CACNA1D: variants seen among roughly 807,000 people sequenced by gnomAD.
CACNA1D encodes calcium voltage-gated channel subunit alpha1 D, also known as voltage-dependent L-type calcium channel subunit alpha-1D.
A neutral mutation model predicts 257.1 loss-of-function variants in CACNA1D; 55 were observed. The observed-to-expected ratio is 0.21, with a 90% confidence interval of 0.17 to 0.27. The LOEUF (loss-of-function observed/expected upper bound fraction) is 0.27, where lower values mean the gene tolerates loss of function less well. CACNA1D is among the 10% of genes least tolerant of loss of function. The pLI is 1.00. For missense variants in CACNA1D, 1,876 were observed against 2,784.0 expected, an observed-to-expected ratio of 0.67 and a Z score of 7.34; for synonymous variants, 980 against 1,014.9, an observed-to-expected ratio of 0.97 and a Z score of 0.65.
intron 3 of CACNA1D, among the ~76,000 whole-genome samples, chr3:53,520,847 C>CTCCT (rs2091526792): frequency 1.7e-5 from 2 of 119,128 alleles, no homozygotes; most frequent in Non-Finnish European, 3.6e-5. Flanking sequence ...GATTTGCAAA[C>CTCCT]TCCTTTCTTT....
intron 21 of CACNA1D, among the ~76,000 whole-genome samples, chr3:53,741,364 T>C (rs148240070): frequency 6.6e-6 from 1 of 152,336 alleles, no homozygotes; most frequent in African/African-American, 2.4e-5. Context: ...AAATGTATTT[T>C]GCATCGGACT....
chr3:53,693,854 G>A (rs1431942155), intron 8 of CACNA1D, among the ~76,000 whole-genome samples: 1 of 152,008 alleles, frequency 6.6e-6, no homozygotes, highest in Non-Finnish European at 1.5e-5. Flanking sequence ...GCATGTGTAT[G>A]TAAATATCAA....
At chr3:53,690,416 A>T (rs2094508482) in intron 8 of CACNA1D, among the ~76,000 whole-genome samples, 2 of 152,198 alleles carry the variant, frequency 1.3e-5, no homozygotes, top group Non-Finnish European at 2.9e-5. Flanking sequence ...CTGCTTTTGG[A>T]CAAGTCTCAT....
chr3:53,619,281 C>A (rs1463069867), intron 3 of CACNA1D, among the ~76,000 whole-genome samples: 1 of 152,140 alleles, frequency 6.6e-6, no homozygotes, highest in Non-Finnish European at 1.5e-5. Flanking sequence ...GTCTCCTGGC[C>A]CTCAGAAAAT....
At chr3:53,767,565 C>A (rs200229894) in intron 30 of CACNA1D, among the ~76,000 whole-genome samples, 38 of 130,442 alleles carry the variant, frequency 2.9e-4, no homozygotes, top group African/African-American at 3.8e-4. Flanking sequence ...GACTCTATCT[C>A]AAAAAAAAAA....
At chr3:53,806,473 G>C (rs548493846) in intron 45 of CACNA1D, among the ~76,000 whole-genome samples, 1 of 152,338 alleles carries the variant, frequency 6.6e-6, no homozygotes, top group East Asian at 1.9e-4. Flanking sequence ...AGGAACTCCA[G>C]CTGGGGGAAG....
intron 3 of CACNA1D, among the ~76,000 whole-genome samples, chr3:53,555,467 T>G (rs866570252): frequency 0.022 from 3,192 of 144,778 alleles, 29 homozygotes; most frequent in Middle Eastern, 0.049. Context: ...TGTGTTTTTT[T>G]TTTTTTTTTT....
chr3:53,535,472 C>G (rs570357128), intron 3 of CACNA1D, among the ~76,000 whole-genome samples: 1 of 152,272 alleles, frequency 6.6e-6, no homozygotes, highest in Admixed American at 6.5e-5. Flanking sequence ...ATTCTAGCCT[C>G]CTGACCTGGG....
At chr3:53,718,190 C>T (rs1385733126) in intron 9 of CACNA1D, 111 bp from the exon 10 acceptor site, 1 of 900,436 alleles carries the variant, frequency 1.1e-6, no homozygotes, top group Non-Finnish European at 1.9e-6. Context: ...CCCTTTTCAC[C>T]CTCCTCCTGG....
At chr3:53,626,869 T>A (rs1424623940) in intron 3 of CACNA1D, among the ~76,000 whole-genome samples, 1 of 152,176 alleles carries the variant, frequency 6.6e-6, no homozygotes, top group Admixed American at 6.5e-5. Context: ...CATTTTCAGT[T>A]AACGAAACGT....
chr3:53,753,808 G>T, intron 29 of CACNA1D, 126 bp downstream of exon 29: 1 of 713,072 alleles, frequency 1.4e-6, no homozygotes, highest in South Asian at 1.5e-5. Context: ...GTTACCACCT[G>T]AGAACATTAA....
intron 3 of CACNA1D, among the ~76,000 whole-genome samples, chr3:53,552,402 A>G (rs895663600): frequency 6.9e-6 from 1 of 145,542 alleles, no homozygotes; most frequent in Non-Finnish European, 1.6e-5. Flanking sequence ...TTTTTTTGAG[A>G]CAGAGTCTCG....
rs754457012 is a variant in CACNA1D, at chr3:53,781,700, G to C, written c.4792+33G>C. 9.2e-6 allele frequency: 13 copies of C among 1,410,734 alleles called. No individual in the cohort carries two copies. The Admixed American group carries it at 1.8e-4, about 20-fold the overall frequency. The allele number at this position is 1,410,734 out of a possible 1,614,324, so 87.4% of individuals were successfully genotyped here. ...CAGTCTATTTCCTAAGTAGTCCTTG[G>C]CCAGTGCTTTGGTTTTAATGCTAGT... On this transcript the variant is annotated intron_variant, in intron 39 of 47. Transcript: ENST00000350061.
At chr3:53,798,338 CGTGTGT>C (rs59321196) in intron 40 of CACNA1D, among the ~76,000 whole-genome samples, 2 of 141,630 alleles carry the variant, frequency 1.4e-5, no homozygotes, top group African/African-American at 2.5e-5. Context: ...CGTGTGTGTG[CGTGTGT>C]GTGTGCACGT....
chr3:53,592,794 C>T (rs2093323107), intron 3 of CACNA1D, among the ~76,000 whole-genome samples: 1 of 152,104 alleles, frequency 6.6e-6, no homozygotes, highest in Non-Finnish European at 1.5e-5. Flanking sequence ...ACCTCCGCCT[C>T]CTGGGTTCAA....
intron 31 of CACNA1D, 146 bp downstream of exon 31, chr3:53,770,163 C>A: frequency 1.3e-6 from 1 of 797,340 alleles, no homozygotes; most frequent in Non-Finnish European, 2.2e-6. Flanking sequence ...CATCAGTGTC[C>A]AGTACTCTTG....
In CACNA1D at chr3:53,780,781, A is replaced by G. The variant is rs529494871; in HGVS notation, c.4690+653A>G. Among the ~76,000 whole-genome samples, 16 of 152,308 alleles carry G rather than the reference A, an allele frequency of 1.1e-4. No individual in the cohort carries two copies. The South Asian group carries it at 3.3e-3, about 32-fold the overall frequency. ...GGTGGAATGGAGAGCAGATTGCAACAGGCTGAGGAGTGACCAGGAGGTGGG... is the reference window on the plus strand; with the variant it reads ...GGTGGAATGGAGAGCAGATTGCAACGGGCTGAGGAGTGACCAGGAGGTGGG... On this transcript the variant is annotated intron_variant, in intron 38 of 47. Coordinates refer to ENST00000350061, the MANE Select transcript of CACNA1D (RefSeq NM_001128840.3).
In CACNA1D at chr3:53,810,006, G is replaced by C. The variant is rs1161870185; in HGVS notation, c.5900G>C (p.Ser1967Thr). Reference protein sequence around the residue: ...QIMAVAGLDSSKAQKYSPSHS... With the variant: ...QIMAVAGLDSTKAQKYSPSHS... ...ATGGCAGTTGCCGGCCTAGATTCAA[G>C]TAAAGCCCAGAAGTACTCACCGAGT... The change falls in exon 47 of 48, where the codon AGT becomes ACT. Residue 1967 changes from serine to threonine, a missense_variant. By Grantham distance (58) the Ser-to-Thr change is moderately conservative. Transcript: ENST00000350061. The C allele has an allele frequency of 1.2e-6, 2 of 1,614,064 alleles. No individual in the cohort carries two copies. The highest frequency in any genetic ancestry group is 1.7e-6 in the Non-Finnish European group (2 of 1,180,040).
chr3:53,546,217 C>G (rs1156228758), intron 3 of CACNA1D, among the ~76,000 whole-genome samples: 1 of 152,168 alleles, frequency 6.6e-6, no homozygotes, highest in Admixed American at 6.5e-5. Context: ...GTTACCACTG[C>G]TCAACTATGA....
Sources: allele counts gnomAD v4.1 joint callset (sites outside exome capture counted in the v4.1 genomes callset), GRCh38; gene constraint gnomAD v4.1.1; transcripts MANE v1.5; gene names NCBI Gene and HGNC (gene_info 2026-07-23, HGNC 2026-07-21).